Variants in FAR2 observed in about 807,000 individuals in gnomAD.
The protein encoded by FAR2 is epididymis secretory protein Li 81.
Under a neutral mutation model 56.0 loss-of-function variants are expected in FAR2, and 19 were observed. The ratio of observed to expected loss-of-function variants is 0.34; its 90% CI spans 0.24 to 0.50. FAR2 has a LOEUF of 0.50. FAR2 is among the 20% of genes least tolerant of loss of function. The pLI is 0.98. For synonymous variants in FAR2, 219 were observed against 218.8 expected, an observed-to-expected ratio of 1.00 and a Z score of -0.01; for missense variants, 508 against 642.2, an observed-to-expected ratio of 0.79 and a Z score of 2.26.
intron 1 of FAR2, among the ~76,000 whole-genome samples, chr12:29,260,832 T>G (rs1160383753): frequency 2.0e-5 from 3 of 152,224 alleles, no homozygotes; most frequent in Non-Finnish European, 4.4e-5. Flanking sequence ...CAAGAGTCTC[T>G]GCCTGGTAAT....
intron 1 of FAR2, among the ~76,000 whole-genome samples, chr12:29,239,779 ATTC>A (rs1437809713): frequency 6.6e-6 from 1 of 152,220 alleles, no homozygotes; most frequent in Non-Finnish European, 1.5e-5. Context: ...GGTTTTGAAA[ATTC>A]TTCTAAGTAG....
At chr12:29,204,247 ACCT>A (rs748706451) in intron 1 of FAR2, among the ~76,000 whole-genome samples, 1 of 151,814 alleles carries the variant, frequency 6.6e-6, no homozygotes, top group Non-Finnish European at 1.5e-5. Context: ...TTTTTCAAGT[ACCT>A]CCTCTAAACC....
intron 1 of FAR2, among the ~76,000 whole-genome samples, chr12:29,245,599 G>A (rs1301719834): frequency 9.2e-5 from 14 of 152,054 alleles, no homozygotes; most frequent in Admixed American, 9.2e-4. Flanking sequence ...AATACCTCTG[G>A]CCTGGATCAT....
chr12:29,332,804 AGAG>A lies in FAR2; in HGVS notation c.1385+81_1385+83del, dbSNP rs780318098. On this transcript the variant is annotated intron_variant, in intron 11 of 11. Transcript: ENST00000536681. The stretch of plus-strand genomic sequence containing the variant: ...TTTATACCAGACATAACATTTGTGC[AGAG>A]GAGAATGAACATTTCTTGAGCATTT... 12 of 1,362,348 alleles carry A rather than the reference AGAG, an allele frequency of 8.8e-6. No individual in the cohort carries two copies. The South Asian group carries it at 1.4e-4, about 15-fold the overall frequency. 84.4% of individuals were successfully genotyped at this position (1,362,348 alleles called of 1,614,324 possible). A position where few individuals can be genotyped will look rare whatever the true frequency, so the allele number is the denominator to read the frequency against.
chr12:29,232,642 C>A (rs1423001189), intron 1 of FAR2, among the ~76,000 whole-genome samples: 1 of 151,938 alleles, frequency 6.6e-6, no homozygotes, highest in African/African-American at 2.4e-5. Context: ...CTTTTTTGGT[C>A]AGGCCATCTG....
intron 1 of FAR2, among the ~76,000 whole-genome samples, chr12:29,250,195 C>T (rs1948185326): frequency 7.9e-6 from 1 of 126,818 alleles, no homozygotes; most frequent in Non-Finnish European, 1.7e-5. Flanking sequence ...GTCAGGGTAA[C>T]AAGATGTGTC....
At chr12:29,186,686 T>G (rs1950043479) in intron 1 of FAR2, among the ~76,000 whole-genome samples, 1 of 152,148 alleles carries the variant, frequency 6.6e-6, no homozygotes, top group Non-Finnish European at 1.5e-5. Flanking sequence ...TCATTATTTA[T>G]GTAGGATAGT....
chr12:29,312,080 T>C (rs1949361463), intron 8 of FAR2, 130 bp downstream of exon 8: 7 of 609,516 alleles, frequency 1.1e-5, no homozygotes, highest in Non-Finnish European at 2.0e-5. Context: ...GACAAAATAA[T>C]GAGAAATTGT....
chr12:29,192,230 T>A (rs1950108754), intron 1 of FAR2, among the ~76,000 whole-genome samples: 1 of 152,258 alleles, frequency 6.6e-6, no homozygotes, highest in Non-Finnish European at 1.5e-5. Context: ...TGTTTTGTTA[T>A]TGCATTTCCA....
intron 8 of FAR2, among the ~76,000 whole-genome samples, chr12:29,312,440 T>C (rs1037222576): frequency 6.6e-6 from 1 of 152,134 alleles, no homozygotes; most frequent in Admixed American, 6.5e-5. Context: ...AGGTGTGCAA[T>C]AACCACTCCA....
chr12:29,271,678 C>A (rs968979048), intron 2 of FAR2, among the ~76,000 whole-genome samples: 1 of 152,174 alleles, frequency 6.6e-6, no homozygotes, highest in Non-Finnish European at 1.5e-5. Flanking sequence ...CATCATCAAG[C>A]AAATTGGAAA....
chr12:29,230,130 AAC>A (rs1376070636), intron 1 of FAR2, among the ~76,000 whole-genome samples: 1 of 152,176 alleles, frequency 6.6e-6, no homozygotes, highest in Non-Finnish European at 1.5e-5. Context: ...CATCTGAATA[AAC>A]AGATGACAGA....
intron 1 of FAR2, among the ~76,000 whole-genome samples, chr12:29,240,892 G>A (rs1197339243): frequency 5.3e-5 from 8 of 152,052 alleles, no homozygotes; most frequent in South Asian, 2.1e-4. Flanking sequence ...TGCAGCCTCC[G>A]CTTCCTGGGT....
Position 29,332,623 on chromosome 12 carries a change from G to A in FAR2, c.1281G>A (p.Gln427=), listed in dbSNP as rs753674624. 1 of 1,613,726 alleles carries A rather than the reference G, an allele frequency of 6.2e-7. No homozygotes were observed. Among genetic ancestry groups the A allele is most frequent in the South Asian group, 1.1e-5 (1 of 91,076 alleles). ...AGGTATTCAACTTTGACGTGCGCCAGTTGAACTGGTTGGAATACATTGAAA... is the reference window on the plus strand; with the variant it reads ...AGGTATTCAACTTTGACGTGCGCCAATTGAACTGGTTGGAATACATTGAAA... The part of the protein sequence containing the change: ...DQRVFNFDVR[Q]LNWLEYIENY... Residue 427 remains glutamine, a synonymous_variant, in exon 11 of 12, where the codon CAG becomes CAA. Coordinates refer to ENST00000536681, the MANE Select transcript of FAR2 (RefSeq NM_001271783.2).
intron 9 of FAR2, 95 bp downstream of exon 9, chr12:29,317,107 G>GACA: frequency 7.5e-7 from 1 of 1,328,806 alleles, no homozygotes. Flanking sequence ...GATTAAAGGA[G>GACA]ACAACTGAAT....
intron 1 of FAR2, among the ~76,000 whole-genome samples, chr12:29,247,914 G>A (rs374172506): frequency 2.2e-4 from 34 of 152,276 alleles, no homozygotes; most frequent in Admixed American, 1.6e-3. Context: ...ACATCATTAA[G>A]TAGCCATTTG....
intron 10 of FAR2, among the ~76,000 whole-genome samples, chr12:29,331,021 T>C (rs969462712): frequency 1.3e-5 from 2 of 152,196 alleles, no homozygotes; most frequent in Non-Finnish European, 2.9e-5. Flanking sequence ...ATAGCAAGTA[T>C]TTATTGAATG....
chr12:29,159,037 T>G (rs1949755642), intron 1 of FAR2, among the ~76,000 whole-genome samples: 1 of 152,248 alleles, frequency 6.6e-6, no homozygotes, highest in Non-Finnish European at 1.5e-5. Flanking sequence ...AAACAAGTTA[T>G]AGTACCAGCC....
intron 1 of FAR2, among the ~76,000 whole-genome samples, chr12:29,189,668 C>A (rs573672409): frequency 6.6e-6 from 1 of 152,302 alleles, no homozygotes; most frequent in East Asian, 1.9e-4. Flanking sequence ...ATTTATATAT[C>A]TATCCATCTG....
Sources: gnomAD v4.1 joint callset for allele counts (sites outside exome capture counted in the v4.1 genomes callset) on GRCh38, gnomAD v4.1.1 for gene constraint, MANE v1.5 for transcripts, NCBI Gene and HGNC (gene_info 2026-07-23, HGNC 2026-07-21) for gene names.